Variants in FAT3 observed in about 807,000 individuals in gnomAD.
FAT3 encodes protocadherin Fat 3.
In FAT3, 95 loss-of-function variants were observed where a neutral mutation model predicts 310.2. The ratio of observed to expected loss-of-function variants is 0.31; its 90% CI spans 0.26 to 0.36. FAT3 has a LOEUF of 0.36. FAT3 is among the 10% of genes least tolerant of loss of function. FAT3 has a pLI of 1.00. For synonymous variants in FAT3, 2,314 were observed against 2,192.9 expected (o/e 1.06, Z -1.54); for missense variants, 5,408 against 5,715.6 (o/e 0.95, Z 1.74).
At chr11:92,589,748 A>C (rs1939335229) in intron 3 of FAT3, among the ~76,000 whole-genome samples, 2 of 152,052 alleles carry the variant, frequency 1.3e-5, no homozygotes, top group African/African-American at 4.8e-5. Context: ...TCAATAACAG[A>C]GATATGACAC....
At chr11:92,846,156 T>C (rs1445959989) in intron 19 of FAT3, among the ~76,000 whole-genome samples, 1 of 152,200 alleles carries the variant, frequency 6.6e-6, no homozygotes, top group Non-Finnish European at 1.5e-5. Context: ...TGCTAGGGTC[T>C]GTATGCGGTG....
intron 3 of FAT3, among the ~76,000 whole-genome samples, chr11:92,665,120 T>C (rs552808804): frequency 1.1e-4 from 16 of 152,296 alleles, no homozygotes; most frequent in Admixed American, 9.2e-4. Flanking sequence ...GTCAAAATCA[T>C]TTTAATATTG....
Position 92,831,797 on chromosome 11 carries a change from C to T in FAT3, c.9657C>T (p.Leu3219=), listed in dbSNP as rs1204641197. 6.2e-7 allele frequency: 1 copy of T among 1,613,544 alleles called. No homozygotes were observed. Among genetic ancestry groups the T allele is most frequent in the South Asian group, 1.1e-5 (1 of 90,932 alleles). Reference sequence around the variant, plus strand: ...GTCCTGGACAGTCCCTGTCCTCTCTCACTACTGTCACCATCACCGTTCTGG... The same window carrying T: ...GTCCTGGACAGTCCCTGTCCTCTCTTACTACTGTCACCATCACCGTTCTGG... The part of the protein sequence containing the change: ...DQSPGQSLSS[L]TTVTITVLDI... The change falls in exon 14 of 28, where the codon CTC becomes CTT. Residue 3219 remains leucine (L), a synonymous_variant. Transcript: ENST00000525166.
At chr11:92,265,513 G>A (rs187146501) in intron 1 of FAT3, among the ~76,000 whole-genome samples, 1 of 151,968 alleles carries the variant, frequency 6.6e-6, no homozygotes, top group African/African-American at 2.4e-5. Context: ...AGGGCAAGGG[G>A]AACACTTCTG....
chr11:92,476,366 G>A (rs1952053236), intron 2 of FAT3, among the ~76,000 whole-genome samples: 1 of 152,138 alleles, frequency 6.6e-6, no homozygotes, highest in Non-Finnish European at 1.5e-5. Flanking sequence ...CATTTGGGTT[G>A]TAAGGAAAAT....
intron 2 of FAT3, among the ~76,000 whole-genome samples, chr11:92,493,620 A>G (rs945549651): frequency 6.6e-6 from 1 of 152,032 alleles, no homozygotes; most frequent in Non-Finnish European, 1.5e-5. Flanking sequence ...GTCACATAGC[A>G]CTTGTAATAC....
At chr11:92,534,384 T>C (rs1377310623) in intron 3 of FAT3, among the ~76,000 whole-genome samples, 1 of 152,164 alleles carries the variant, frequency 6.6e-6, no homozygotes, top group Non-Finnish European at 1.5e-5. Flanking sequence ...ATGGACTTAA[T>C]GCTAAAAATA....
intron 2 of FAT3, among the ~76,000 whole-genome samples, chr11:92,395,529 A>ATGCCT (rs1229080386): frequency 6.6e-6 from 1 of 150,972 alleles, no homozygotes; most frequent in Non-Finnish European, 1.5e-5. Context: ...CCTTTTTTGC[A>ATGCCT]TGCCTTCTTT....
intron 3 of FAT3, among the ~76,000 whole-genome samples, chr11:92,577,193 C>A (rs1403508429): frequency 6.6e-6 from 1 of 152,054 alleles, no homozygotes; most frequent in African/African-American, 2.4e-5. Context: ...TCTGCAACCT[C>A]CGCCTCCTGG....
chr11:92,720,309 T>A (rs1043998833), intron 4 of FAT3, among the ~76,000 whole-genome samples: 2 of 152,228 alleles, frequency 1.3e-5, no homozygotes, highest in African/African-American at 4.8e-5. Flanking sequence ...TCTCTTCTTT[T>A]ACCTAAAGCT....
At chr11:92,541,312 G>A (rs1385730096) in intron 3 of FAT3, among the ~76,000 whole-genome samples, 1 of 152,142 alleles carries the variant, frequency 6.6e-6, no homozygotes, top group Admixed American at 6.5e-5. Context: ...TGAATAATAT[G>A]CATCACTGAT....
chr11:92,832,014 G>A lies in FAT3; in HGVS notation c.9871+3G>A. Reference sequence around the variant, plus strand: ...ATTTAAGATCAACCCCAAGACAGGTGGGTAAATAGCACTGTACTTAGAATA... The same window carrying A: ...ATTTAAGATCAACCCCAAGACAGGTAGGTAAATAGCACTGTACTTAGAATA... On this transcript the variant is annotated splice_donor_region_variant and intron_variant, in intron 14 of 27. Transcript: ENST00000525166. 6.5e-7 allele frequency: 1 copy of A among 1,536,292 alleles called. No homozygotes were observed. The highest frequency in any genetic ancestry group is 8.8e-7 in the Non-Finnish European group (1 of 1,142,706).
chr11:92,591,877 G>A (rs940195235), intron 3 of FAT3, among the ~76,000 whole-genome samples: 7 of 152,060 alleles, frequency 4.6e-5, no homozygotes, highest in South Asian at 2.1e-4. Context: ...TGAAAGGGCC[G>A]ACTACCTAGG....
chr11:92,662,240 G>T (rs1416367414), intron 3 of FAT3, among the ~76,000 whole-genome samples: 15 of 152,192 alleles, frequency 9.9e-5, no homozygotes, highest in Non-Finnish European at 2.1e-4. Flanking sequence ...TCAGGAGCAG[G>T]CACAAGTAAG....
intron 1 of FAT3, among the ~76,000 whole-genome samples, chr11:92,328,338 G>A (rs1421348701): frequency 6.6e-6 from 1 of 152,104 alleles, no homozygotes; most frequent in African/African-American, 2.4e-5. Context: ...TTTAACATCT[G>A]GTCCTCCTGA....
At chr11:92,431,138 G>C (rs1198537901) in intron 2 of FAT3, among the ~76,000 whole-genome samples, 2 of 152,132 alleles carry the variant, frequency 1.3e-5, no homozygotes, top group African/African-American at 2.4e-5. Flanking sequence ...CAGTGTAAAA[G>C]TGTTCCTATT....
At chr11:92,660,473 G>C (rs1355243457) in intron 3 of FAT3, among the ~76,000 whole-genome samples, 2 of 152,106 alleles carry the variant, frequency 1.3e-5, no homozygotes, top group Non-Finnish European at 2.9e-5. Flanking sequence ...GGTCTTTTAA[G>C]GCTTAGAGCA....
chr11:92,882,862 C>T lies in FAT3; in HGVS notation c.12406C>T (p.Arg4136Cys), dbSNP rs1199317813. Residue 4136 changes from arginine (R) to cysteine (C), a missense_variant, in exon 24 of 28, where the codon CGC becomes TGC. Arg to Cys is a radical substitution (Grantham distance 180, BLOSUM62 -3). Transcript: ENST00000525166. ...CTACGTGGGCCAGTACTGCGGGCTGCGCCCCGTGGTGGTACCCAATATCCA... is the reference window on the plus strand; with the variant it reads ...CTACGTGGGCCAGTACTGCGGGCTGTGCCCCGTGGTGGTACCCAATATCCA... The part of the protein sequence containing the change: ...PGYVGQYCGL[R>C]PVVVPNIQAG... 1 of 1,611,840 alleles carries T rather than the reference C, an allele frequency of 6.2e-7. No homozygotes were observed. The highest frequency in any genetic ancestry group is 8.5e-7 in the Non-Finnish European group (1 of 1,179,178).
intron 2 of FAT3, among the ~76,000 whole-genome samples, chr11:92,464,816 T>C (rs1184629695): frequency 1.3e-5 from 2 of 152,206 alleles, no homozygotes; most frequent in Non-Finnish European, 2.9e-5. Context: ...ACATTAAGCT[T>C]ATCTGGCTTT....
Sources: gnomAD v4.1 joint callset for allele counts (sites outside exome capture counted in the v4.1 genomes callset) on GRCh38, gnomAD v4.1.1 for gene constraint, MANE v1.5 for transcripts, NCBI Gene and HGNC (gene_info 2026-07-23, HGNC 2026-07-21) for gene names.